CPA6: variants seen among roughly 807,000 people sequenced by gnomAD.
CPA6 encodes carboxypeptidase B.
Under a neutral mutation model 63.3 loss-of-function variants are expected in CPA6, and 58 were observed. The observed-to-expected ratio is 0.92, with a 90% CI of 0.74 to 1.14. The LOEUF (loss-of-function observed/expected upper bound fraction) is 1.14. Ranked by LOEUF, CPA6 falls within the 50% of genes most tolerant of loss-of-function variation. The probability of loss-of-function intolerance (pLI) is 0.00; values close to 1 mark genes in which losing one functional copy is unlikely to be tolerated. For synonymous variants in CPA6, 185 were observed against 179.0 expected (o/e 1.03, Z -0.27); for missense variants, 565 against 526.6 (o/e 1.07, Z -0.71).
At chr8:67,641,462 C>T (rs142023922) in intron 1 of CPA6, among the ~76,000 whole-genome samples, 1 of 152,292 alleles carries the variant, frequency 6.6e-6, no homozygotes, top group African/African-American at 2.4e-5. Context: ...ACTTGATGGA[C>T]AGGTTAAATA....
intron 8 of CPA6, among the ~76,000 whole-genome samples, chr8:67,477,966 G>A (rs1045373345): frequency 6.6e-6 from 1 of 152,192 alleles, no homozygotes; most frequent in Non-Finnish European, 1.5e-5. Context: ...TCTCTGGAGT[G>A]ATAAGTGTCT....
chr8:67,429,404 T>C (rs1009382797), intron 9 of CPA6, among the ~76,000 whole-genome samples: 3 of 152,194 alleles, frequency 2.0e-5, no homozygotes, highest in African/African-American at 7.2e-5. Flanking sequence ...AGCTTGCTTA[T>C]GAATAATTTA....
intron 8 of CPA6, among the ~76,000 whole-genome samples, chr8:67,458,233 G>A (rs1459526278): frequency 6.6e-6 from 1 of 152,168 alleles, no homozygotes; most frequent in African/African-American, 2.4e-5. Context: ...GGCTCACTCT[G>A]TTGCCCAGGT....
At chr8:67,740,860 G>A (rs772782702) in intron 1 of CPA6, among the ~76,000 whole-genome samples, 8 of 152,048 alleles carry the variant, frequency 5.3e-5, no homozygotes, top group East Asian at 3.9e-4. Context: ...GTGAGCCACC[G>A]TGCCTGGCCC....
At chr8:67,600,159 G>A (rs1814455876) in intron 2 of CPA6, among the ~76,000 whole-genome samples, 1 of 151,424 alleles carries the variant, frequency 6.6e-6, no homozygotes, top group East Asian at 1.9e-4. Flanking sequence ...CTCAAAAGAA[G>A]ACATTTATGC....
chr8:67,431,618 A>G (rs1810029659), intron 9 of CPA6, among the ~76,000 whole-genome samples: 1 of 152,182 alleles, frequency 6.6e-6, no homozygotes, highest in Non-Finnish European at 1.5e-5. Context: ...AAAAGTCTGA[A>G]CATTTGCCTA....
At chr8:67,706,417 C>A (rs1817136425) in intron 1 of CPA6, among the ~76,000 whole-genome samples, 2 of 152,006 alleles carry the variant, frequency 1.3e-5, no homozygotes, top group South Asian at 4.1e-4. Flanking sequence ...GTACATAAGA[C>A]CACTGAAAGA....
chr8:67,494,495 C>T (rs983529095), intron 6 of CPA6, among the ~76,000 whole-genome samples: 2 of 152,148 alleles, frequency 1.3e-5, no homozygotes, highest in African/African-American at 4.8e-5. Flanking sequence ...AAGCACCAGC[C>T]ATGGCTTGAG....
At chr8:67,437,121 C>A (rs534055084) in intron 8 of CPA6, among the ~76,000 whole-genome samples, 2 of 152,284 alleles carry the variant, frequency 1.3e-5, no homozygotes, top group East Asian at 3.9e-4. Context: ...CTGGGCCAGG[C>A]GTGGTGGCTT....
chr8:67,480,133 C>A (rs1017166740), intron 8 of CPA6, among the ~76,000 whole-genome samples: 9 of 152,092 alleles, frequency 5.9e-5, no homozygotes, highest in African/African-American at 2.2e-4. Flanking sequence ...TATTATGTTT[C>A]AATAAGTGCC....
intron 8 of CPA6, among the ~76,000 whole-genome samples, chr8:67,475,890 C>T (rs1181680336): frequency 6.9e-5 from 3 of 43,554 alleles, no homozygotes; most frequent in Non-Finnish European, 1.4e-4. Context: ...TCCTTTCTTT[C>T]TTTCTTTCTT....
chr8:67,648,678 T>C (rs187052645), intron 1 of CPA6, among the ~76,000 whole-genome samples: 2 of 152,246 alleles, frequency 1.3e-5, no homozygotes, highest in Non-Finnish European at 2.9e-5. Flanking sequence ...TAAGAATTTT[T>C]ATTTGAAACT....
At chr8:67,580,879 T>G (rs745569756) in intron 2 of CPA6, among the ~76,000 whole-genome samples, 1 of 152,142 alleles carries the variant, frequency 6.6e-6, no homozygotes, top group Non-Finnish European at 1.5e-5. Flanking sequence ...AGATGTCTTA[T>G]TTAAGGGGAA....
intron 1 of CPA6, among the ~76,000 whole-genome samples, chr8:67,640,664 A>C (rs75418137): frequency 0.045 from 6,825 of 151,042 alleles, 475 homozygotes; most frequent in African/African-American, 0.11. Flanking sequence ...TCAGCTTGGG[A>C]AGCTATAGTT....
chr8:67,564,323 T>TTTTG (rs1186325098), intron 2 of CPA6, among the ~76,000 whole-genome samples: 1 of 152,136 alleles, frequency 6.6e-6, no homozygotes, highest in African/African-American at 2.4e-5. Context: ...CTAAAGCTTT[T>TTTTG]TTTGTTTGTT....
At chr8:67,558,706 AAG>A (rs3056531) in intron 2 of CPA6, among the ~76,000 whole-genome samples, 11,094 of 152,280 alleles carry the variant, frequency 0.073, 523 homozygotes, top group Middle Eastern at 0.19. Context: ...CTGTCAATAC[AAG>A]AGTCTGTCAG....
intron 1 of CPA6, among the ~76,000 whole-genome samples, chr8:67,680,489 TA>T (rs5892091): frequency 7.2e-3 from 959 of 132,362 alleles, no homozygotes; most frequent in African/African-American, 7.2e-3. Context: ...CCTCTGTATT[TA>T]AAAAAAAAAA....
At position 67,649,812 on chromosome 8, in the gene CPA6, C is replaced by CA. The variant is rs996734526; in HGVS notation, c.117-25562dup. Reference sequence around the variant, plus strand: ...TCTTGAAATTTAAGCTCAGTCTGACCAAAAAAAATGCTTCTTGAATGGTGG... The same window carrying CA: ...TCTTGAAATTTAAGCTCAGTCTGACCAAAAAAAAATGCTTCTTGAATGGTGG... On this transcript the variant is annotated intron_variant, in intron 1 of 10. Transcript: ENST00000297770. 1.3e-5 allele frequency among the ~76,000 whole-genome samples: 2 copies of CA among 151,436 alleles called. No homozygotes were observed. The highest frequency in any genetic ancestry group is 2.9e-5 in the Non-Finnish European group (2 of 67,868).
At chr8:67,628,209 T>C (rs1815237096) in intron 1 of CPA6, among the ~76,000 whole-genome samples, 1 of 151,442 alleles carries the variant, frequency 6.6e-6, no homozygotes, top group Non-Finnish European at 1.5e-5. Flanking sequence ...CGAGACTCCA[T>C]CTTAAAAAAA....
Sources: allele counts gnomAD v4.1 joint callset (sites outside exome capture counted in the v4.1 genomes callset), GRCh38; gene constraint gnomAD v4.1.1; transcripts MANE v1.5; gene names NCBI Gene and HGNC (gene_info 2026-07-23, HGNC 2026-07-21).